Variants in BABAM2 observed in about 807,000 individuals in gnomAD.
BABAM2 encodes the protein BRISC and BRCA1-A complex member 2.
BABAM2 carries 31 observed loss-of-function variants against 54.7 expected under a neutral mutation model. The observed-to-expected ratio is 0.57, with a 90% CI of 0.43 to 0.77. The LOEUF (loss-of-function observed/expected upper bound fraction) is 0.77, where lower values mean the gene tolerates loss of function less well. Ranked by LOEUF, BABAM2 falls within the 30% of genes least tolerant of loss-of-function variation. BABAM2 has a pLI of 0.00. For synonymous variants in BABAM2, 167 were observed against 162.9 expected, an observed-to-expected ratio of 1.03 and a Z score of -0.19; for missense variants, 364 against 455.8, an observed-to-expected ratio of 0.80 and a Z score of 1.83.
At chr2:28,318,831 A>G (rs1318341529) in intron 11 of BABAM2, among the ~76,000 whole-genome samples, 1 of 152,212 alleles carries the variant, frequency 6.6e-6, no homozygotes, top group Non-Finnish European at 1.5e-5. Context: ...TGGGACACCC[A>G]TTTGTGCCCA....
intron 7 of BABAM2, among the ~76,000 whole-genome samples, chr2:28,230,790 T>C (rs547967112): frequency 8.5e-5 from 13 of 152,172 alleles, no homozygotes; most frequent in Non-Finnish European, 1.3e-4. Context: ...TTTATGTTCT[T>C]CTGGGTTTTC....
At chr2:28,336,416 G>A (rs1236569624) in intron 11 of BABAM2, among the ~76,000 whole-genome samples, 2 of 152,140 alleles carry the variant, frequency 1.3e-5, no homozygotes, top group African/African-American at 4.8e-5. Context: ...GACAGGTAGG[G>A]TGTCCCACAG....
At chr2:27,923,558 C>T (rs549750892) in intron 2 of BABAM2, among the ~76,000 whole-genome samples, 1 of 152,248 alleles carries the variant, frequency 6.6e-6, no homozygotes, top group South Asian at 2.1e-4. Flanking sequence ...TTCAAGGCTG[C>T]AGTGAGTTAT....
chr2:28,183,774 C>CACACACACAT, intron 7 of BABAM2, among the ~76,000 whole-genome samples: 1 of 151,826 alleles, frequency 6.6e-6, no homozygotes, highest in Middle Eastern at 3.4e-3. Flanking sequence ...CACACACACA[C>CACACACACAT]GTACATTGAC....
At chr2:28,185,739 CT>C (rs375258189) in intron 7 of BABAM2, among the ~76,000 whole-genome samples, 56 of 147,964 alleles carry the variant, frequency 3.8e-4, no homozygotes, top group Admixed American at 1.0e-3. Flanking sequence ...TTTTTTTGCT[CT>C]TTTTTTTTTG....
chr2:27,985,198 G>A (rs986940681), intron 3 of BABAM2, among the ~76,000 whole-genome samples: 2 of 151,912 alleles, frequency 1.3e-5, no homozygotes, highest in East Asian at 1.9e-4. Context: ...GCGTGTGCAA[G>A]TATCTTTTTT....
intron 6 of BABAM2, among the ~76,000 whole-genome samples, chr2:28,128,803 G>T (rs1265520588): frequency 6.6e-6 from 1 of 152,146 alleles, no homozygotes; most frequent in South Asian, 2.1e-4. Context: ...TGCTTGTATG[G>T]TGACACTCTT....
intron 11 of BABAM2, among the ~76,000 whole-genome samples, chr2:28,332,997 C>A (rs183051258): frequency 6.6e-6 from 1 of 152,170 alleles, no homozygotes; most frequent in Non-Finnish European, 1.5e-5. Context: ...GAACTGAGGA[C>A]AAGGACCCTA....
intron 7 of BABAM2, among the ~76,000 whole-genome samples, chr2:28,179,121 C>T (rs1472169533): frequency 6.6e-6 from 1 of 152,128 alleles, no homozygotes; most frequent in African/African-American, 2.4e-5. Context: ...GGAAGCAATT[C>T]CCCTTAACTC....
chr2:28,100,256 C>G (rs980539997), intron 6 of BABAM2, among the ~76,000 whole-genome samples: 1 of 151,732 alleles, frequency 6.6e-6, no homozygotes, highest in African/African-American at 2.4e-5. Flanking sequence ...GTCAGGAGTT[C>G]GAGACCAGCC....
chr2:28,079,983 A>G (rs1259429909), intron 6 of BABAM2, among the ~76,000 whole-genome samples: 1 of 152,152 alleles, frequency 6.6e-6, no homozygotes, highest in Admixed American at 6.5e-5. Flanking sequence ...TATACTGTAG[A>G]TATATTTCTG....
chr2:28,053,036 C>T (rs1037589003), intron 6 of BABAM2, among the ~76,000 whole-genome samples: 1 of 152,096 alleles, frequency 6.6e-6, no homozygotes, highest in South Asian at 2.1e-4. Flanking sequence ...CTGGTAATTT[C>T]CCCCCAGATA....
At chr2:28,039,674 T>A (rs571428112) in intron 5 of BABAM2, among the ~76,000 whole-genome samples, 1 of 152,360 alleles carries the variant, frequency 6.6e-6, no homozygotes, top group South Asian at 2.1e-4. Context: ...GACTCCATTC[T>A]GCACAAAATG....
At chr2:28,220,138 G>A (rs1334553785) in intron 7 of BABAM2, among the ~76,000 whole-genome samples, 5 of 152,126 alleles carry the variant, frequency 3.3e-5, no homozygotes, top group African/African-American at 9.7e-5. Flanking sequence ...ACTGATTGTC[G>A]AAGCCCAGCT....
intron 4 of BABAM2, among the ~76,000 whole-genome samples, chr2:28,018,354 G>T (rs1674995942): frequency 6.6e-6 from 1 of 152,084 alleles, no homozygotes; most frequent in Admixed American, 6.6e-5. Flanking sequence ...ACTTTTTATG[G>T]CTGAGTAGTA....
intron 7 of BABAM2, among the ~76,000 whole-genome samples, chr2:28,197,215 G>A (rs1218018077): frequency 6.6e-6 from 1 of 152,054 alleles, no homozygotes; most frequent in Non-Finnish European, 1.5e-5. Context: ...ACAACATCAG[G>A]TATAGAAAGA....
At chr2:28,224,170 T>C (rs1409777286) in intron 7 of BABAM2, among the ~76,000 whole-genome samples, 2 of 152,236 alleles carry the variant, frequency 1.3e-5, no homozygotes, top group Middle Eastern at 3.2e-3. Context: ...AAAAAATTGC[T>C]AAATCAGAAA....
At chr2:28,245,074 C>G (rs1338784146) in intron 10 of BABAM2, among the ~76,000 whole-genome samples, 1 of 151,938 alleles carries the variant, frequency 6.6e-6, no homozygotes, top group Non-Finnish European at 1.5e-5. Context: ...GGACGTTTGG[C>G]AATGCCTGGA....
chr2:28,234,920 A>G (rs1002260299), intron 7 of BABAM2, among the ~76,000 whole-genome samples: 13 of 152,254 alleles, frequency 8.5e-5, no homozygotes, highest in South Asian at 4.1e-4. Context: ...ATCTAATCCA[A>G]TGCCTACTCT....
Sources: gnomAD v4.1 joint callset for allele counts (sites outside exome capture counted in the v4.1 genomes callset) on GRCh38, gnomAD v4.1.1 for gene constraint, MANE v1.5 for transcripts, NCBI Gene and HGNC (gene_info 2026-07-23, HGNC 2026-07-21) for gene names.